The following USP22 variants were observed in gnomAD, a reference collection of about 807,000 sequenced individuals.
USP22 encodes the protein ubiquitin specific peptidase 22, also known as ubiquitin carboxyl-terminal hydrolase 22.
USP22 carries 22 observed loss-of-function variants against 68.1 expected under a neutral mutation model. The observed-to-expected ratio is 0.32, with a 90% CI of 0.23 to 0.46. The LOEUF is 0.46. USP22 is among the 20% of genes least tolerant of loss of function. The pLI is 1.00. For synonymous variants in USP22, 279 were observed against 274.2 expected (o/e 1.02, Z -0.17); for missense variants, 433 against 695.8 (o/e 0.62, Z 4.25).
At chr17:21,011,484 G>A in intron 7 of USP22, 175 bp from the exon 8 acceptor site, 2 of 797,418 alleles carry the variant, frequency 2.5e-6, no homozygotes, top group South Asian at 3.7e-5. Flanking sequence ...ACGTGTCCTG[G>A]CTCCCAAGGT....
Position 21,006,970 on chromosome 17 carries a change from G to A in USP22, c.1248C>T (p.Ala416=), listed in dbSNP as rs750611464. Residue 416 remains alanine (A), a synonymous_variant, in exon 10 of 13, where the codon GCC becomes GCT. Transcript: ENST00000261497. ...CFHLKRFEHS[A]KLRRKITTYV... is the part of the protein sequence containing the mutation. Reference sequence around the variant, plus strand: ...ACGTGGTGATCTTCCGCCGCAGCTTGGCTGAGTGTTCAAATCGCTGCAGAA... The same window carrying A: ...ACGTGGTGATCTTCCGCCGCAGCTTAGCTGAGTGTTCAAATCGCTGCAGAA... 2.5e-6 allele frequency: 4 copies of A among 1,605,496 alleles called. No homozygotes were observed. The African/African-American group carries it at 4.0e-5, about 16-fold the overall frequency.
intron 12 of USP22, 137 bp from the exon 13 acceptor site, chr17:21,003,210 T>C: frequency 9.9e-7 from 1 of 1,010,600 alleles, no homozygotes; most frequent in Non-Finnish European, 1.5e-6. Context: ...TTTTGGCTTT[T>C]TAGTCCGCAA....
At chr17:21,036,768 A>G (rs543684065) in intron 1 of USP22, among the ~76,000 whole-genome samples, 20 of 152,312 alleles carry the variant, frequency 1.3e-4, no homozygotes, top group Non-Finnish European at 2.4e-4. Flanking sequence ...TGATGAATAT[A>G]TATCAAATTA....
intron 2 of USP22, among the ~76,000 whole-genome samples, chr17:21,024,449 G>A (rs1452443407): frequency 6.6e-6 from 1 of 152,122 alleles, no homozygotes; most frequent in South Asian, 2.1e-4. Flanking sequence ...CCATTTGAGG[G>A]GATAGGGTAT....
intron 10 of USP22, chr17:21,005,209 C>T: frequency 1.8e-6 from 1 of 560,200 alleles, no homozygotes; most frequent in Non-Finnish European, 3.1e-6. Flanking sequence ...CTGAGGCCAC[C>T]TGGCGTGGCC....
intron 2 of USP22, 68 bp downstream of exon 2, chr17:21,028,474 A>C: frequency 6.3e-7 from 1 of 1,587,018 alleles, no homozygotes; most frequent in African/African-American, 1.3e-5. Context: ...TGGAACTGCA[A>C]ATCAAAAAAT....
At chr17:21,040,698 GA>G (rs1351873212) in intron 1 of USP22, among the ~76,000 whole-genome samples, 2 of 152,094 alleles carry the variant, frequency 1.3e-5, no homozygotes, top group Non-Finnish European at 1.5e-5. Flanking sequence ...AAAAATACCA[GA>G]GGGGGGAAGA....
chr17:21,006,991 CAGAAATA>C lies in USP22; in HGVS notation c.1231-11_1231-5del, dbSNP rs1322605673. 1 of 1,594,248 alleles carries C rather than the reference CAGAAATA, an allele frequency of 6.3e-7. No individual in the cohort carries two copies. The highest frequency in any genetic ancestry group is 8.6e-7 in the Non-Finnish European group (1 of 1,169,296). The stretch of plus-strand genomic sequence containing the variant: ...GCTTGGCTGAGTGTTCAAATCGCTG[CAGAAATA>C]GGAAGGGGACAGAGGGAAGAGGAAA... On this transcript the variant is annotated splice_polypyrimidine_tract_variant and splice_region_variant and intron_variant, in intron 9 of 12. Coordinates refer to ENST00000261497, the MANE Select transcript of USP22 (RefSeq NM_015276.2).
At chr17:21,005,473 CAGGAA>C (rs1913749524) in intron 10 of USP22, among the ~76,000 whole-genome samples, 1 of 152,214 alleles carries the variant, frequency 6.6e-6, no homozygotes, top group African/African-American at 2.4e-5. Context: ...GTGCTGGGAA[CAGGAA>C]GCCATGCACA....
chr17:21,012,543 G>C (rs1914002848), intron 7 of USP22, among the ~76,000 whole-genome samples: 1 of 152,198 alleles, frequency 6.6e-6, no homozygotes, highest in Middle Eastern at 3.4e-3. Context: ...GTCAAGGACT[G>C]TAAGATGCAA....
intron 1 of USP22, among the ~76,000 whole-genome samples, chr17:21,038,928 C>T (rs939723623): frequency 1.3e-5 from 2 of 152,024 alleles, no homozygotes; most frequent in Non-Finnish European, 2.9e-5. Context: ...CCACTGTGGT[C>T]GTGCCAGTCC....
At chr17:21,018,716 G>A (rs1253496837) in intron 4 of USP22, among the ~76,000 whole-genome samples, 2 of 137,550 alleles carry the variant, frequency 1.5e-5, no homozygotes, top group Non-Finnish European at 3.2e-5. Context: ...AAAAGAAAAA[G>A]TTTTAAAGGG....
chr17:21,014,525 A>G (rs530899675), intron 6 of USP22, among the ~76,000 whole-genome samples: 1 of 152,218 alleles, frequency 6.6e-6, no homozygotes. Flanking sequence ...GAGGAAAAAA[A>G]GTAAGTACCA....
chr17:21,029,372 G>A (rs1039660972), intron 1 of USP22, among the ~76,000 whole-genome samples: 2 of 152,172 alleles, frequency 1.3e-5, no homozygotes, highest in Non-Finnish European at 2.9e-5. Context: ...AAAAGAATCC[G>A]TAAGTCCAGA....
chr17:21,004,841 C>T (rs1308485391), intron 11 of USP22, 87 bp downstream of exon 11: 18 of 1,486,976 alleles, frequency 1.2e-5, no homozygotes, highest in Admixed American at 9.6e-5. Context: ...GCGGGGGATC[C>T]GCTGGGCGCC....
intron 8 of USP22, 76 bp downstream of exon 8, chr17:21,011,075 C>G: frequency 6.6e-7 from 1 of 1,504,876 alleles, no homozygotes; most frequent in South Asian, 1.3e-5. Flanking sequence ...TGTGAAAGAG[C>G]CCTGCTTTGG....
intron 9 of USP22, 133 bp from the exon 10 acceptor site, chr17:21,007,120 C>T (rs1054654734): frequency 1.4e-6 from 1 of 716,580 alleles, no homozygotes; most frequent in Non-Finnish European, 2.2e-6. Flanking sequence ...CTTGTAGCTA[C>T]ATCTAGAATT....
At chr17:21,006,875 C>T (rs1287229907) in intron 10 of USP22, 21 bp downstream of exon 10, 11 of 1,571,302 alleles carry the variant, frequency 7.0e-6, no homozygotes, top group African/African-American at 2.7e-5. Context: ...GGACACAGAA[C>T]GGGCCTACAA....
chr17:21,012,359 C>T (rs1384122124), intron 7 of USP22, among the ~76,000 whole-genome samples: 2 of 152,174 alleles, frequency 1.3e-5, no homozygotes. Context: ...CTGCACTCAA[C>T]ACTTGAGGCT....
Sources: allele counts gnomAD v4.1 joint callset (sites outside exome capture counted in the v4.1 genomes callset), GRCh38; gene constraint gnomAD v4.1.1; transcripts MANE v1.5; gene names NCBI Gene and HGNC (gene_info 2026-07-23, HGNC 2026-07-21).